MYRIP: variants seen among roughly 807,000 people sequenced by gnomAD.
MYRIP encodes the protein myosin VIIA and Rab interacting protein, also known as rab effector MyRIP.
In MYRIP, 49 loss-of-function variants were observed where a neutral mutation model predicts 98.0. The ratio of observed to expected loss-of-function variants is 0.50; its 90% CI spans 0.40 to 0.63. The LOEUF (loss-of-function observed/expected upper bound fraction) is 0.63. Among genes scored for constraint, MYRIP ranks in the 30% least tolerant of loss-of-function variants. The pLI, the probability that MYRIP is intolerant of heterozygous loss-of-function variation, is 0.00. For missense variants in MYRIP, 1,004 were observed against 1,058.2 expected, an observed-to-expected ratio of 0.95 and a Z score of 0.71; for synonymous variants, 404 against 409.5, an observed-to-expected ratio of 0.99 and a Z score of 0.16.
intron 2 of MYRIP, among the ~76,000 whole-genome samples, chr3:39,914,125 G>A (rs1373006331): frequency 6.6e-6 from 1 of 152,150 alleles, no homozygotes. Flanking sequence ...CTGATGTTAT[G>A]TGGATTACAG....
chr3:39,885,372 A>C (rs1943266331), intron 1 of MYRIP, among the ~76,000 whole-genome samples: 1 of 152,064 alleles, frequency 6.6e-6, no homozygotes, highest in African/African-American at 2.4e-5. Flanking sequence ...ATCCGCTGTT[A>C]GTCTGATGGG....
rs774487741 is a variant in MYRIP at position 40,250,259 on chromosome 3, T to C, written c.2300T>C (p.Ile767Thr). Residue 767 changes from isoleucine to threonine, a missense_variant, in exon 14 of 17, where the codon ATT (isoleucine) becomes ACT (threonine). Ile to Thr is a moderately conservative substitution (Grantham distance 89, BLOSUM62 -1). Coordinates refer to ENST00000302541, the MANE Select transcript of MYRIP (RefSeq NM_015460.4). ...DIESRISALTIAGLNIAPCVR... is the reference protein window; with the variant it reads ...DIESRISALTTAGLNIAPCVR... ...GAGAGCCGGATTTCAGCCCTGACCA[T>C]TGCAGGATTAAACATAGCACCATGT... 9 of 1,613,976 alleles carry C rather than the reference T, an allele frequency of 5.6e-6. No homozygotes were observed. The highest frequency in any genetic ancestry group is 5.3e-5 in the African/African-American group (4 of 74,936).
intron 1 of MYRIP, among the ~76,000 whole-genome samples, chr3:39,834,500 A>G (rs2125587765): frequency 6.6e-6 from 1 of 152,288 alleles, no homozygotes; most frequent in South Asian, 2.1e-4. Flanking sequence ...ATACCTTAAA[A>G]TAAAAAAAGA....
intron 11 of MYRIP, among the ~76,000 whole-genome samples, chr3:40,233,349 C>T (rs546717596): frequency 6.6e-6 from 1 of 152,252 alleles, no homozygotes; most frequent in South Asian, 2.1e-4. Flanking sequence ...CTTTCTAGTA[C>T]TCTCATTGTA....
chr3:39,926,985 A>G (rs1224799259), intron 2 of MYRIP, among the ~76,000 whole-genome samples: 1 of 151,868 alleles, frequency 6.6e-6, no homozygotes, highest in Non-Finnish European at 1.5e-5. Flanking sequence ...TGATTTGTTT[A>G]TGTCATCTGT....
At chr3:39,916,215 T>G (rs1944156031) in intron 2 of MYRIP, among the ~76,000 whole-genome samples, 1 of 151,966 alleles carries the variant, frequency 6.6e-6, no homozygotes, top group African/African-American at 2.4e-5. Flanking sequence ...CATTAAAAAT[T>G]TTTCAATAAA....
intron 11 of MYRIP, among the ~76,000 whole-genome samples, chr3:40,215,689 A>G (rs745661127): frequency 1.8e-4 from 27 of 152,330 alleles, no homozygotes; most frequent in Non-Finnish European, 2.9e-4. Context: ...TTAACCATTC[A>G]TGTGAGGCTA....
At chr3:40,114,918 T>C (rs1434309883) in intron 3 of MYRIP, among the ~76,000 whole-genome samples, 1 of 152,166 alleles carries the variant, frequency 6.6e-6, no homozygotes, top group Non-Finnish European at 1.5e-5. Flanking sequence ...CACACGGGCC[T>C]AAAAATATTA....
upstream of MYRIP, among the ~76,000 whole-genome samples, chr3:39,809,212 G>A (rs868330081): frequency 5.8e-4 from 88 of 152,162 alleles, no homozygotes; most frequent in Middle Eastern, 6.8e-3. Context: ...CGGGCCCCCA[G>A]GACTCAGAGG....
intron 3 of MYRIP, among the ~76,000 whole-genome samples, chr3:40,103,584 C>A (rs767815350): frequency 6.6e-6 from 1 of 152,134 alleles, no homozygotes; most frequent in Non-Finnish European, 1.5e-5. Context: ...CATGGACAAA[C>A]CCTGTCTCTA....
At chr3:39,953,119 T>C (rs1467565031) in intron 2 of MYRIP, among the ~76,000 whole-genome samples, 1 of 152,170 alleles carries the variant, frequency 6.6e-6, no homozygotes, top group African/African-American at 2.4e-5. Context: ...ATCTGGTTTC[T>C]TTCTGCAGCA....
intron 8 of MYRIP, among the ~76,000 whole-genome samples, chr3:40,172,907 T>C (rs1229943650): frequency 2.0e-5 from 3 of 152,208 alleles, no homozygotes; most frequent in Admixed American, 2.0e-4. Flanking sequence ...GAAAGCTCTT[T>C]CTCTGACCCT....
chr3:39,922,322 G>A (rs1037220756), intron 2 of MYRIP, among the ~76,000 whole-genome samples: 1 of 152,042 alleles, frequency 6.6e-6, no homozygotes, highest in Admixed American at 6.5e-5. Context: ...CCATCCAAAC[G>A]ACACAGAAAA....
intron 3 of MYRIP, among the ~76,000 whole-genome samples, chr3:40,071,595 G>T (rs539484262): frequency 8.0e-4 from 122 of 152,234 alleles, no homozygotes; most frequent in Non-Finnish European, 1.2e-3. Flanking sequence ...TAAGGAGCTG[G>T]GACTCACTCA....
chr3:40,236,758 G>A (rs1028969655), intron 12 of MYRIP, among the ~76,000 whole-genome samples: 1 of 152,206 alleles, frequency 6.6e-6, no homozygotes, highest in Non-Finnish European at 1.5e-5. Flanking sequence ...ATCAAGTTAG[G>A]TGATGCCAGC....
At chr3:39,970,305 A>C (rs535537410) in intron 2 of MYRIP, 2 of 152,140 alleles carry the variant, frequency 1.3e-5, no homozygotes, top group African/African-American at 4.8e-5. Context: ...ATTCAATATA[A>C]TAACTGCTAC....
Position 39,938,810 on chromosome 3 carries a change from A to G in MYRIP, c.110+37884A>G, listed in dbSNP as rs866171997. 8.5e-5 allele frequency among the ~76,000 whole-genome samples: 13 copies of G among 152,096 alleles called. No individual in the cohort carries two copies. The East Asian group carries it at 9.7e-4, about 11-fold the overall frequency. On this transcript the variant is annotated intron_variant, in intron 2 of 16. Coordinates refer to ENST00000302541, the MANE Select transcript of MYRIP (RefSeq NM_015460.4). The stretch of plus-strand genomic sequence containing the variant: ...ATGCACCACCAAGCCCGGCCCTTCT[A>G]TTTTCACTTTAGCCATTCTGATGGT...
intron 4 of MYRIP, among the ~76,000 whole-genome samples, chr3:40,154,089 G>A (rs767735108): frequency 2.3e-4 from 34 of 151,018 alleles, no homozygotes; most frequent in African/African-American, 7.5e-4. Context: ...GCAGTGAGCC[G>A]AGATTGCACC....
intron 10 of MYRIP, among the ~76,000 whole-genome samples, chr3:40,194,426 C>T (rs763445409): frequency 2.6e-4 from 40 of 151,878 alleles, no homozygotes; most frequent in Non-Finnish European, 4.9e-4. Context: ...GCCCGATTCC[C>T]TTACAAATAC....
Sources: allele counts gnomAD v4.1 joint callset (sites outside exome capture counted in the v4.1 genomes callset), GRCh38; gene constraint gnomAD v4.1.1; transcripts MANE v1.5; gene names NCBI Gene and HGNC (gene_info 2026-07-23, HGNC 2026-07-21).